Variants in SERPINI1 observed in about 807,000 individuals in gnomAD.
The protein encoded by SERPINI1 is serpin family I member 1, also known as neuroserpin.
Under a neutral mutation model 41.1 loss-of-function variants are expected in SERPINI1, and 19 were observed. That is an observed-to-expected ratio of 0.46 (90% CI 0.32 to 0.68). The LOEUF (loss-of-function observed/expected upper bound fraction) is 0.68, where lower values mean the gene tolerates loss of function less well. SERPINI1 is among the 30% of genes least tolerant of loss of function. The pLI is 0.03. For missense variants in SERPINI1, 460 were observed against 479.2 expected (o/e 0.96, Z 0.37); for synonymous variants, 138 against 156.6 (o/e 0.88, Z 0.89).
chr3:167,816,037 A>G (rs1712075873), intron 6 of SERPINI1, among the ~76,000 whole-genome samples: 1 of 152,132 alleles, frequency 6.6e-6, no homozygotes, highest in African/African-American at 2.4e-5. Flanking sequence ...TATTACAAGA[A>G]TAAACTTAAA....
chr3:167,815,252 A>G (rs2108571304), intron 6 of SERPINI1, among the ~76,000 whole-genome samples: 1 of 152,284 alleles, frequency 6.6e-6, no homozygotes, highest in East Asian at 1.9e-4. Context: ...GTGGCTGCAG[A>G]CACATGCTTG....
intron 6 of SERPINI1, among the ~76,000 whole-genome samples, chr3:167,808,040 C>T (rs1169509718): frequency 2.6e-5 from 4 of 151,916 alleles, no homozygotes; most frequent in African/African-American, 9.7e-5. Flanking sequence ...ATTGTTTGAA[C>T]CCAGGAGGCA....
At chr3:167,774,847 GTTATA>G (rs1726910033) in intron 1 of SERPINI1, among the ~76,000 whole-genome samples, 2 of 152,082 alleles carry the variant, frequency 1.3e-5, no homozygotes, top group Admixed American at 1.3e-4. Flanking sequence ...GGGGGCCACT[GTTATA>G]AAGTACAGCA....
intron 1 of SERPINI1, among the ~76,000 whole-genome samples, chr3:167,779,364 G>A (rs948279090): frequency 1.7e-4 from 26 of 152,078 alleles, no homozygotes; most frequent in Non-Finnish European, 2.5e-4. Flanking sequence ...GATCCAAAAA[G>A]CAAATGAATA....
At chr3:167,757,370 G>A (rs559171623) in intron 1 of SERPINI1, among the ~76,000 whole-genome samples, 6 of 152,264 alleles carry the variant, frequency 3.9e-5, no homozygotes, top group African/African-American at 1.4e-4. Flanking sequence ...AAACAAACAT[G>A]AGTAAAGGAA....
intron 4 of SERPINI1, among the ~76,000 whole-genome samples, chr3:167,793,750 C>A (rs1400046623): frequency 1.3e-5 from 2 of 151,018 alleles, no homozygotes; most frequent in East Asian, 1.9e-4. Context: ...AAGACCCTGT[C>A]TCTAAAATTA....
intron 6 of SERPINI1, among the ~76,000 whole-genome samples, chr3:167,808,742 G>C (rs1221048957): frequency 1.3e-5 from 2 of 152,160 alleles, no homozygotes; most frequent in Non-Finnish European, 2.9e-5. Context: ...AGAAGCTGAT[G>C]CCCTCCAACC....
chr3:167,791,028 T>A (rs1176251237), intron 3 of SERPINI1, among the ~76,000 whole-genome samples: 1 of 152,162 alleles, frequency 6.6e-6, no homozygotes, highest in Non-Finnish European at 1.5e-5. Context: ...ACCAAAGAAC[T>A]TCATTGGTAA....
intron 6 of SERPINI1, among the ~76,000 whole-genome samples, chr3:167,816,006 A>G (rs1712074082): frequency 6.6e-6 from 1 of 151,944 alleles, no homozygotes; most frequent in Non-Finnish European, 1.5e-5. Flanking sequence ...TCTACTTTAG[A>G]TTATTGTCTT....
intron 1 of SERPINI1, among the ~76,000 whole-genome samples, chr3:167,777,751 C>T (rs993203378): frequency 2.0e-5 from 3 of 152,144 alleles, no homozygotes; most frequent in Non-Finnish European, 2.9e-5. Flanking sequence ...TGTTTCCAAA[C>T]GTTTCCAGGG....
At chr3:167,750,887 G>T (rs1160938273) in intron 1 of SERPINI1, among the ~76,000 whole-genome samples, 1 of 151,872 alleles carries the variant, frequency 6.6e-6, no homozygotes, top group Non-Finnish European at 1.5e-5. Context: ...TTTGTATATT[G>T]TACCTTGCAT....
At chr3:167,752,777 CT>C (rs1726083953) in intron 1 of SERPINI1, among the ~76,000 whole-genome samples, 1 of 152,046 alleles carries the variant, frequency 6.6e-6, no homozygotes. Context: ...TATTTCAGTT[CT>C]TTAATCACAG....
intron 4 of SERPINI1, among the ~76,000 whole-genome samples, chr3:167,793,838 ATGTGTG>A (rs56401913): frequency 2.8e-4 from 40 of 141,300 alleles, no homozygotes; most frequent in African/African-American, 9.9e-4. Context: ...GGCCATATGT[ATGTGTG>A]TGTGTGTGTG....
intron 4 of SERPINI1, 73 bp from the exon 5 acceptor site, chr3:167,794,547 G>A: frequency 8.1e-7 from 1 of 1,237,266 alleles, no homozygotes; most frequent in Non-Finnish European, 1.2e-6. Context: ...CAAATATGTA[G>A]TCTTTCATCT....
chr3:167,811,013 T>C (rs926287989), intron 6 of SERPINI1, among the ~76,000 whole-genome samples: 1 of 152,070 alleles, frequency 6.6e-6, no homozygotes, highest in Non-Finnish European at 1.5e-5. Flanking sequence ...TCTAGTCACA[T>C]TTTCAGGGTT....
chr3:167,749,536 A>T (rs1031244664), intron 1 of SERPINI1, among the ~76,000 whole-genome samples: 2 of 152,232 alleles, frequency 1.3e-5, no homozygotes, highest in Non-Finnish European at 2.9e-5. Context: ...CTAATAGTGC[A>T]CCAACTGATA....
At chr3:167,799,992 G>C (rs905239032) in intron 5 of SERPINI1, 1 of 152,120 alleles carries the variant, frequency 6.6e-6, no homozygotes, top group Non-Finnish European at 1.5e-5. Context: ...ATATGCAGGG[G>C]AGGGTCGTGT....
At chr3:167,794,282 G>A (rs1352337753) in intron 4 of SERPINI1, among the ~76,000 whole-genome samples, 2 of 151,988 alleles carry the variant, frequency 1.3e-5, no homozygotes, top group East Asian at 1.9e-4. Context: ...AAATTATACA[G>A]GGCTGTGAAC....
At chr3:167,772,209 A>G (rs780205277) in intron 1 of SERPINI1, among the ~76,000 whole-genome samples, 13 of 152,206 alleles carry the variant, frequency 8.5e-5, no homozygotes, top group Non-Finnish European at 1.2e-4. Context: ...CCACAGATCT[A>G]TGAATGAATG....
Sources: allele counts gnomAD v4.1 joint callset (sites outside exome capture counted in the v4.1 genomes callset), GRCh38; gene constraint gnomAD v4.1.1; transcripts MANE v1.5; gene names NCBI Gene and HGNC (gene_info 2026-07-23, HGNC 2026-07-21).